MIX23: variants seen among roughly 807,000 people sequenced by gnomAD.
The protein encoded by MIX23 is protein MIX23.
In MIX23, 13 loss-of-function variants were observed where a neutral mutation model predicts 21.6. The observed-to-expected ratio is 0.60, with a 90% CI of 0.39 to 0.96. The LOEUF (loss-of-function observed/expected upper bound fraction) is 0.96, where lower values mean the gene tolerates loss of function less well. Ranked by LOEUF, MIX23 falls within the 40% of genes least tolerant of loss-of-function variation. The probability of loss-of-function intolerance (pLI) is 0.00; values close to 1 mark genes in which losing one functional copy is unlikely to be tolerated. For synonymous variants in MIX23, 59 were observed against 58.0 expected (o/e 1.02, Z -0.08); for missense variants, 144 against 171.2 (o/e 0.84, Z 0.89).
intron 1 of MIX23, among the ~76,000 whole-genome samples, chr3:122,375,076 G>A (rs1180065934): frequency 1.3e-5 from 2 of 152,120 alleles, no homozygotes; most frequent in Non-Finnish European, 2.9e-5. Context: ...TGAGGCACTG[G>A]TGAGCCATGA....
intron 1 of MIX23, among the ~76,000 whole-genome samples, chr3:122,380,179 C>G (rs2107689239): frequency 6.6e-6 from 1 of 152,226 alleles, no homozygotes. Context: ...CACTGTACTC[C>G]AAAGAATGAT....
intron 4 of MIX23, among the ~76,000 whole-genome samples, chr3:122,360,161 G>A (rs1049263545): frequency 9.3e-5 from 14 of 151,274 alleles, no homozygotes; most frequent in African/African-American, 2.9e-4. Context: ...AAGTTACTTC[G>A]GGAAAAAATC....
intron 1 of MIX23, among the ~76,000 whole-genome samples, chr3:122,373,348 T>C (rs950288124): frequency 1.3e-5 from 2 of 152,062 alleles, no homozygotes; most frequent in African/African-American, 4.8e-5. Flanking sequence ...CTTGGCTCAC[T>C]GTAACCTCTG....
At chr3:122,371,581 C>T (rs1232675177) in intron 2 of MIX23, 94 bp downstream of exon 2, 2 of 1,402,272 alleles carry the variant, frequency 1.4e-6, no homozygotes, top group Non-Finnish European at 2.0e-6. Context: ...GATGTCATTC[C>T]TTTAGTCACA....
At chr3:122,369,635 T>C (rs2075424097) in intron 2 of MIX23, among the ~76,000 whole-genome samples, 1 of 152,128 alleles carries the variant, frequency 6.6e-6, no homozygotes, top group South Asian at 2.1e-4. Flanking sequence ...ACACAGGATT[T>C]CCAAAACAGA....
At position 122,371,662 on chromosome 3, in the gene MIX23, A is replaced by C; in HGVS notation, c.177+13T>G. The C allele has an allele frequency of 6.2e-7, 1 of 1,611,118 alleles. No homozygotes were observed. On this transcript the variant is annotated intron_variant, in intron 2 of 4. Transcript: ENST00000291458. ...GGCATGAAAGAAGCAAAAGACTCAA[A>C]AAATACACTTACAGACTCATAAAGT...
In MIX23 at chr3:122,372,311, C is replaced by T. The variant is rs143629931; in HGVS notation, c.52-511G>A. Among the ~76,000 whole-genome samples the T allele has an allele frequency of 4.4e-3, 654 of 150,060 alleles. 5 individuals carry two copies. Among genetic ancestry groups the T allele is most frequent in the African/African-American group, 0.015 (613 of 40,620 alleles). ...AAAAGACTGGTAGTAAGTACCTACA[C>T]AGCACAACCCCTCCTACCCACATAT... On this transcript the variant is annotated intron_variant, in intron 1 of 4. Transcript: ENST00000291458.
intron 3 of MIX23, chr3:122,366,497 T>C (rs2107678360): frequency 6.6e-6 from 1 of 152,354 alleles, no homozygotes; most frequent in African/African-American, 2.4e-5. Flanking sequence ...TTTTCTTTTC[T>C]ACTAATAGTT....
intron 2 of MIX23, 56 bp downstream of exon 2, chr3:122,371,619 A>T: frequency 6.3e-7 from 1 of 1,584,718 alleles, no homozygotes; most frequent in Non-Finnish European, 8.7e-7. Flanking sequence ...CTGATTTCTT[A>T]TTCAGCCTGC....
intron 4 of MIX23, among the ~76,000 whole-genome samples, chr3:122,362,607 G>A (rs987110835): frequency 6.6e-6 from 1 of 151,642 alleles, no homozygotes; most frequent in Non-Finnish European, 1.5e-5. Flanking sequence ...TCAGCCTCCC[G>A]AGTAGCTGGG....
chr3:122,363,051 G>A, intron 3 of MIX23, 24 bp from the exon 4 acceptor site: 1 of 1,580,598 alleles, frequency 6.3e-7, no homozygotes. Flanking sequence ...AAAAATTGAA[G>A]TTATAAAATT....
At chr3:122,366,584 G>T (rs1214714794) in intron 3 of MIX23, 1 of 152,206 alleles carries the variant, frequency 6.6e-6, no homozygotes, top group Non-Finnish European at 1.5e-5. Flanking sequence ...TGACTGTGCA[G>T]TATGAAAAGC....
chr3:122,374,463 C>T (rs1209747297), intron 1 of MIX23, among the ~76,000 whole-genome samples: 1 of 152,280 alleles, frequency 6.6e-6, no homozygotes, highest in East Asian at 1.9e-4. Flanking sequence ...CTTCCATATA[C>T]TTTAAATAAT....
At chr3:122,371,388 C>T (rs2075440747) in intron 2 of MIX23, among the ~76,000 whole-genome samples, 1 of 152,266 alleles carries the variant, frequency 6.6e-6, no homozygotes, top group Non-Finnish European at 1.5e-5. Flanking sequence ...TCACTCTCCT[C>T]CTTTCATTCC....
intron 3 of MIX23, among the ~76,000 whole-genome samples, chr3:122,367,646 TATA>T (rs1344581199): frequency 1.3e-5 from 2 of 152,176 alleles, no homozygotes; most frequent in Non-Finnish European, 2.9e-5. Context: ...GGAAATAAAT[TATA>T]ATGAGGTACA....
At chr3:122,380,045 C>T (rs2075518445) in intron 1 of MIX23, among the ~76,000 whole-genome samples, 1 of 152,104 alleles carries the variant, frequency 6.6e-6, no homozygotes, top group Admixed American at 6.5e-5. Flanking sequence ...TCTGTTGCCC[C>T]TACAATTATA....
rs1235197345 is a variant in MIX23 at position 122,362,925 on chromosome 3, GT to G, written c.384+42del. On this transcript the variant is annotated intron_variant, in intron 4 of 4. Transcript: ENST00000291458. ...CCCTTGGTTTCCCTTTGCTAGTTCA[GT>G]TTCCCTCCTACTTCTTTCCAAACAC... 3.2e-6 allele frequency: 5 copies of G among 1,551,704 alleles called. No homozygotes were observed. The African/African-American group carries it at 4.1e-5, about 13-fold the overall frequency.
chr3:122,362,711 A>G (rs1190606642), intron 4 of MIX23, among the ~76,000 whole-genome samples: 2 of 152,076 alleles, frequency 1.3e-5, no homozygotes, highest in African/African-American at 4.8e-5. Context: ...AAGTGTTGGG[A>G]TTACAGGTGT....
intron 1 of MIX23, among the ~76,000 whole-genome samples, chr3:122,374,281 GAGAC>G (rs2075466361): frequency 6.6e-6 from 1 of 152,126 alleles, no homozygotes; most frequent in Admixed American, 6.5e-5. Flanking sequence ...GCAGCAGTAA[GAGAC>G]AGTATCACAG....
Sources: gnomAD v4.1 joint callset for allele counts (sites outside exome capture counted in the v4.1 genomes callset) on GRCh38, gnomAD v4.1.1 for gene constraint, MANE v1.5 for transcripts, NCBI Gene and HGNC (gene_info 2026-07-23, HGNC 2026-07-21) for gene names.